The following TRAPPC8 variants were observed in gnomAD, a reference collection of about 807,000 sequenced individuals.
TRAPPC8 encodes trafficking protein particle complex subunit 8.
TRAPPC8 carries 54 observed loss-of-function variants against 174.3 expected under a neutral mutation model. The ratio of observed to expected loss-of-function variants is 0.31; its 90% confidence interval spans 0.25 to 0.39. TRAPPC8 has a LOEUF of 0.39. Ranked by LOEUF, TRAPPC8 falls within the 10% of genes least tolerant of loss-of-function variation. The pLI, the probability that TRAPPC8 is intolerant of heterozygous loss-of-function variation, is 1.00. For synonymous variants in TRAPPC8, 630 were observed against 579.9 expected (o/e 1.09, Z -1.24); for missense variants, 1,531 against 1,699.1 (o/e 0.90, Z 1.74).
chr18:31,868,411 C>A (rs1307329715), intron 16 of TRAPPC8, among the ~76,000 whole-genome samples: 1 of 152,102 alleles, frequency 6.6e-6, no homozygotes, highest in East Asian at 1.9e-4. Context: ...TGAAAATATT[C>A]ACTTAACTTT....
intron 26 of TRAPPC8, among the ~76,000 whole-genome samples, chr18:31,842,137 T>C (rs558755350): frequency 1.3e-5 from 2 of 152,350 alleles, no homozygotes; most frequent in Non-Finnish European, 2.9e-5. Context: ...TATGGGCTAC[T>C]TGCCAGCTTT....
intron 2 of TRAPPC8, among the ~76,000 whole-genome samples, chr18:31,928,195 TAAATA>T (rs1365152911): frequency 6.7e-6 from 1 of 150,084 alleles, no homozygotes; most frequent in Admixed American, 6.6e-5. Context: ...AAATTAAAAT[TAAATA>T]AAATAAAAAA....
intron 19 of TRAPPC8, among the ~76,000 whole-genome samples, chr18:31,862,341 T>TA (rs143772464): frequency 1.7e-3 from 257 of 146,958 alleles, no homozygotes; most frequent in Non-Finnish European, 2.2e-3. Context: ...CTTGCCAGAT[T>TA]AAAAAAAAAA....
chr18:31,846,460 A>G (rs2033407586), intron 26 of TRAPPC8, among the ~76,000 whole-genome samples: 1 of 152,128 alleles, frequency 6.6e-6, no homozygotes, highest in East Asian at 1.9e-4. Context: ...CTGTAGTCTC[A>G]GCTACTCAAG....
At chr18:31,870,868 T>A (rs573145387) in intron 15 of TRAPPC8, 58 bp downstream of exon 15, 1 of 1,359,794 alleles carries the variant, frequency 7.4e-7, no homozygotes, top group South Asian at 1.8e-5. Flanking sequence ...ATAAATTATC[T>A]TCATCATGCT....
At chr18:31,922,891 C>T (rs1377112416) in intron 2 of TRAPPC8, among the ~76,000 whole-genome samples, 1 of 151,756 alleles carries the variant, frequency 6.6e-6, no homozygotes, top group African/African-American at 2.4e-5. Flanking sequence ...GTAGCCCACA[C>T]CTGTAGTCCC....
At chr18:31,880,090 A>AAAAAAAT (rs1259899654) in intron 12 of TRAPPC8, among the ~76,000 whole-genome samples, 20 of 85,348 alleles carry the variant, frequency 2.3e-4, no homozygotes, top group African/African-American at 7.8e-4. Context: ...TGAAAAAAAA[A>AAAAAAAT]ATATATATAT....
rs147183785 is a variant in TRAPPC8, at chr18:31,907,601, C to A, written c.1248G>T (p.Pro416=). 1.2e-6 allele frequency: 2 copies of A among 1,605,262 alleles called. No homozygotes were observed. Among genetic ancestry groups the A allele is most frequent in the South Asian group, 2.2e-5 (2 of 89,056 alleles). The change falls in exon 9 of 29, where the codon CCG becomes CCT. Residue 416 remains proline, a synonymous_variant. Coordinates refer to ENST00000283351, the MANE Select transcript of TRAPPC8 (RefSeq NM_014939.5). ...TCCTGATTTGAAGTTCTGGTGCTTC[C>A]GGCGGATACCTGTAAATACAAAAGA... ...LKNTSGLLYP[P]EAPELQIRKM...
chr18:31,917,561 T>C lies in TRAPPC8; in HGVS notation c.442+17A>G, dbSNP rs369452022. On this transcript the variant is annotated intron_variant, in intron 3 of 28. Coordinates refer to ENST00000283351, the MANE Select transcript of TRAPPC8 (RefSeq NM_014939.5). ...CATAATATTTGATTTGAGGAGAACA[T>C]AAATGTCAAAGGATACATGCTAAAT... is the stretch of plus-strand genomic sequence containing the variant. The C allele has an allele frequency of 2.5e-5, 40 of 1,594,060 alleles. No individual in the cohort carries two copies. The highest frequency in any genetic ancestry group is 3.4e-5 in the Non-Finnish European group (40 of 1,170,610).
At chr18:31,890,982 G>C in intron 11 of TRAPPC8, 116 bp from the exon 12 acceptor site, 1 of 906,824 alleles carries the variant, frequency 1.1e-6, no homozygotes, top group East Asian at 3.4e-5. Flanking sequence ...TTTAACTTAA[G>C]AGTATATGAG....
At chr18:31,895,360 A>C (rs2036138900) in intron 11 of TRAPPC8, among the ~76,000 whole-genome samples, 1 of 152,216 alleles carries the variant, frequency 6.6e-6, no homozygotes, top group South Asian at 2.1e-4. Flanking sequence ...AAATTTATGA[A>C]AGGTATAGCA....
intron 5 of TRAPPC8, among the ~76,000 whole-genome samples, chr18:31,912,864 A>G (rs904493356): frequency 6.6e-6 from 1 of 152,138 alleles, no homozygotes; most frequent in African/African-American, 2.4e-5. Flanking sequence ...GCGGTGGCTC[A>G]CACCTGTAAC....
chr18:31,868,770 T>G (rs1014241608), intron 16 of TRAPPC8, among the ~76,000 whole-genome samples: 1 of 152,098 alleles, frequency 6.6e-6, no homozygotes, highest in South Asian at 2.1e-4. Context: ...TGGCATGACC[T>G]TGGCTCACTG....
At chr18:31,890,214 G>T (rs907070186) in intron 12 of TRAPPC8, among the ~76,000 whole-genome samples, 1 of 152,082 alleles carries the variant, frequency 6.6e-6, no homozygotes, top group East Asian at 1.9e-4. Context: ...ATGGTTCTAG[G>T]ACAACTGGGG....
chr18:31,857,438 G>C (rs1035210101), intron 20 of TRAPPC8, 102 bp downstream of exon 20: 2 of 998,060 alleles, frequency 2.0e-6, no homozygotes, highest in Non-Finnish European at 2.8e-6. Context: ...ATCTGGAACA[G>C]AGTAATTTCT....
chr18:31,932,483 A>G (rs1598758466), intron 1 of TRAPPC8, among the ~76,000 whole-genome samples: 1 of 151,480 alleles, frequency 6.6e-6, no homozygotes, highest in East Asian at 1.9e-4. Flanking sequence ...CCCTTTTACC[A>G]CCCTAATACT....
intron 12 of TRAPPC8, among the ~76,000 whole-genome samples, chr18:31,880,111 ATATATATATATTT>A (rs1568082884): frequency 2.2e-4 from 20 of 90,382 alleles, no homozygotes; most frequent in African/African-American, 4.5e-4. Flanking sequence ...ATATATATAT[ATATATATATATTT>A]TTTTTTTTTT....
chr18:31,854,168 T>C (rs773696384), intron 21 of TRAPPC8, among the ~76,000 whole-genome samples: 4 of 152,194 alleles, frequency 2.6e-5, no homozygotes, highest in Non-Finnish European at 4.4e-5. Flanking sequence ...GCATACTCAA[T>C]GGTAAATTTT....
intron 2 of TRAPPC8, among the ~76,000 whole-genome samples, chr18:31,920,431 T>C (rs1050219392): frequency 2.6e-5 from 4 of 152,182 alleles, no homozygotes; most frequent in East Asian, 1.9e-4. Flanking sequence ...ATATCCTACA[T>C]AGTCTAATTA....
Sources: gnomAD v4.1 joint callset for allele counts (sites outside exome capture counted in the v4.1 genomes callset) on GRCh38, gnomAD v4.1.1 for gene constraint, MANE v1.5 for transcripts, NCBI Gene and HGNC (gene_info 2026-07-23, HGNC 2026-07-21) for gene names.